SDC2: variants seen among roughly 807,000 people sequenced by gnomAD.
The protein encoded by SDC2 is syndecan-2.
In SDC2, 13 loss-of-function variants were observed where a neutral mutation model predicts 22.2. The observed-to-expected ratio is 0.59, with a 90% CI of 0.38 to 0.93. The LOEUF is 0.93. SDC2 is among the 40% of genes least tolerant of loss of function. The probability of loss-of-function intolerance (pLI) is 0.00; values close to 1 mark genes in which losing one functional copy is unlikely to be tolerated. For missense variants in SDC2, 235 were observed against 246.8 expected (o/e 0.95, Z 0.32); for synonymous variants, 94 against 92.8 (o/e 1.01, Z -0.07).
At chr8:96,506,618 A>G (rs775175031) in intron 1 of SDC2, among the ~76,000 whole-genome samples, 4 of 152,070 alleles carry the variant, frequency 2.6e-5, no homozygotes, top group African/African-American at 7.2e-5. Context: ...CTAGGACTAC[A>G]GGCACCAGTC....
At chr8:96,531,826 T>TA (rs1410023364) in intron 1 of SDC2, among the ~76,000 whole-genome samples, 1 of 152,252 alleles carries the variant, frequency 6.6e-6, no homozygotes, top group African/African-American at 2.4e-5. Context: ...CAGCCTTACA[T>TA]ATATTTATGT....
intron 1 of SDC2, among the ~76,000 whole-genome samples, chr8:96,495,930 A>G (rs1489722964): frequency 6.6e-6 from 1 of 152,222 alleles, no homozygotes; most frequent in Non-Finnish European, 1.5e-5. Flanking sequence ...CGTTGGTATT[A>G]GTTATCTCCC....
At chr8:96,497,237 A>G (rs1312250821) in intron 1 of SDC2, among the ~76,000 whole-genome samples, 1 of 152,156 alleles carries the variant, frequency 6.6e-6, no homozygotes, top group East Asian at 1.9e-4. Flanking sequence ...AATCGAAATC[A>G]TGTAACTTTG....
intron 1 of SDC2, among the ~76,000 whole-genome samples, chr8:96,525,055 T>G (rs565140186): frequency 6.6e-6 from 1 of 152,232 alleles, no homozygotes; most frequent in Non-Finnish European, 1.5e-5. Flanking sequence ...AATCGTAGTC[T>G]GTACTTTCAG....
At chr8:96,578,435 A>T (rs965630297) in intron 1 of SDC2, among the ~76,000 whole-genome samples, 1 of 152,252 alleles carries the variant, frequency 6.6e-6, no homozygotes, top group African/African-American at 2.4e-5. Flanking sequence ...GACAGTGCAG[A>T]TGTAGAACAT....
At chr8:96,495,557 C>T (rs947341371) in intron 1 of SDC2, among the ~76,000 whole-genome samples, 2 of 152,182 alleles carry the variant, frequency 1.3e-5, no homozygotes, top group African/African-American at 4.8e-5. Context: ...TTCCCCACGT[C>T]CTCTCCCTTT....
At chr8:96,540,758 C>T (rs550419028) in intron 1 of SDC2, among the ~76,000 whole-genome samples, 1 of 152,274 alleles carries the variant, frequency 6.6e-6, no homozygotes, top group East Asian at 1.9e-4. Flanking sequence ...TCCTCTTGGC[C>T]TTCATGAAGT....
At position 96,506,533 on chromosome 8, in the gene SDC2, G is replaced by C. The variant is rs140284501; in HGVS notation, c.60+12202G>C. On this transcript the variant is annotated intron_variant, in intron 1 of 4. Coordinates refer to ENST00000302190, the MANE Select transcript of SDC2 (RefSeq NM_002998.4). Reference sequence around the variant, plus strand: ...ATTCTGTTGCCCAGGCTGCAGTGCAGTGGTGTGATTATGGCTCACTGCAAC... The same window carrying C: ...ATTCTGTTGCCCAGGCTGCAGTGCACTGGTGTGATTATGGCTCACTGCAAC... 6.8e-3 allele frequency among the ~76,000 whole-genome samples: 1,038 copies of C among 152,208 alleles called. 8 individuals are homozygous for C. Among genetic ancestry groups the C allele is most frequent in the African/African-American group, 0.024 (990 of 41,520 alleles).
intron 1 of SDC2, among the ~76,000 whole-genome samples, chr8:96,548,956 G>T (rs1338204579): frequency 6.6e-6 from 1 of 152,182 alleles, no homozygotes; most frequent in Non-Finnish European, 1.5e-5. Flanking sequence ...GGTACACGTG[G>T]AGTAGATGCC....
intron 2 of SDC2, 96 bp from the exon 3 acceptor site, chr8:96,602,299 G>A: frequency 1.6e-6 from 2 of 1,260,346 alleles, no homozygotes; most frequent in African/African-American, 1.5e-5. Context: ...GAAAGAACAT[G>A]ATTCTGTCAG....
At chr8:96,532,462 G>C (rs369704808) in intron 1 of SDC2, among the ~76,000 whole-genome samples, 1 of 65,380 alleles carries the variant, frequency 1.5e-5, no homozygotes, top group South Asian at 5.7e-4. Flanking sequence ...GGAAAAAAAA[G>C]AAAGAAAATC....
chr8:96,551,460 C>A (rs916325533), intron 1 of SDC2, among the ~76,000 whole-genome samples: 1 of 152,156 alleles, frequency 6.6e-6, no homozygotes, highest in African/African-American at 2.4e-5. Flanking sequence ...TGAATCCTCC[C>A]AGCAATCTCA....
chr8:96,496,030 G>A (rs556384709), intron 1 of SDC2, among the ~76,000 whole-genome samples: 141 of 152,306 alleles, frequency 9.3e-4, no homozygotes, highest in African/African-American at 3.2e-3. Context: ...TCCTCTTGTT[G>A]CAAAACAGGG....
intron 1 of SDC2, among the ~76,000 whole-genome samples, chr8:96,572,962 C>T (rs10504964): frequency 1.8e-4 from 27 of 152,254 alleles, no homozygotes; most frequent in African/African-American, 5.8e-4. Context: ...ATTGTTGTGA[C>T]CACCAGCTTA....
intron 1 of SDC2, among the ~76,000 whole-genome samples, chr8:96,572,559 TCCTCATAA>T (rs1019177814): frequency 3.9e-5 from 6 of 152,112 alleles, no homozygotes; most frequent in Admixed American, 1.3e-4. Flanking sequence ...GCTAGATATT[TCCTCATAA>T]CCTAGGTGCT....
At chr8:96,558,594 C>A (rs778411509) in intron 1 of SDC2, among the ~76,000 whole-genome samples, 1 of 152,108 alleles carries the variant, frequency 6.6e-6, no homozygotes, top group Non-Finnish European at 1.5e-5. Context: ...AAATTGATAT[C>A]TGTTTCTGAA....
chr8:96,596,504 C>G (rs555609227), intron 2 of SDC2, among the ~76,000 whole-genome samples: 22 of 152,232 alleles, frequency 1.4e-4, no homozygotes, highest in Non-Finnish European at 2.9e-4. Context: ...GTGCCACACA[C>G]TGTGCCATGC....
intron 1 of SDC2, among the ~76,000 whole-genome samples, chr8:96,570,319 T>C (rs539737235): frequency 3.3e-5 from 5 of 152,198 alleles, no homozygotes; most frequent in Non-Finnish European, 7.4e-5. Context: ...ATCAAAGTGA[T>C]ATTTTGGAGA....
intron 1 of SDC2, among the ~76,000 whole-genome samples, chr8:96,549,271 G>C (rs1264354857): frequency 6.6e-6 from 1 of 152,174 alleles, no homozygotes; most frequent in African/African-American, 2.4e-5. Flanking sequence ...CCTTGGCTTA[G>C]ATAAAATAAA....
Sources: gnomAD v4.1 joint callset for allele counts (sites outside exome capture counted in the v4.1 genomes callset) on GRCh38, gnomAD v4.1.1 for gene constraint, MANE v1.5 for transcripts, NCBI Gene and HGNC (gene_info 2026-07-23, HGNC 2026-07-21) for gene names.